The following NLGN1 variants were observed in gnomAD, a reference collection of about 807,000 sequenced individuals.
The protein encoded by NLGN1 is neuroligin 1, also known as neuroligin-1.
Under a neutral mutation model 65.5 loss-of-function variants are expected in NLGN1, and 12 were observed. That is an observed-to-expected ratio of 0.18 (90% CI 0.12 to 0.30). NLGN1 has a LOEUF of 0.30. Among genes scored for constraint, NLGN1 ranks in the 10% least tolerant of loss-of-function variants. The pLI, the probability that NLGN1 is intolerant of heterozygous loss-of-function variation, is 1.00. For synonymous variants in NLGN1, 350 were observed against 359.5 expected (o/e 0.97, Z 0.30); for missense variants, 750 against 1,007.1 (o/e 0.74, Z 3.46).
chr3:173,422,956 A>G (rs1377051835), intron 1 of NLGN1, among the ~76,000 whole-genome samples: 2 of 152,224 alleles, frequency 1.3e-5, no homozygotes, highest in Non-Finnish European at 2.9e-5. Context: ...TAATTTATAA[A>G]GGAATTCTTT....
chr3:173,839,423 T>A (rs906940186), intron 4 of NLGN1, among the ~76,000 whole-genome samples: 3 of 149,512 alleles, frequency 2.0e-5, no homozygotes, highest in African/African-American at 7.5e-5. Flanking sequence ...GTTTGTTTTG[T>A]TTTTTTGTTT....
chr3:173,677,742 A>G (rs1763369219), intron 3 of NLGN1, among the ~76,000 whole-genome samples: 1 of 152,124 alleles, frequency 6.6e-6, no homozygotes, highest in Non-Finnish European at 1.5e-5. Context: ...GTCTATAACC[A>G]ACTAGTCACT....
chr3:173,417,045 A>G (rs1713943163), intron 1 of NLGN1, among the ~76,000 whole-genome samples: 1 of 152,108 alleles, frequency 6.6e-6, no homozygotes, highest in Non-Finnish European at 1.5e-5. Context: ...TGAGAGTACA[A>G]ACTGGTAAAC....
At chr3:174,033,697 G>C (rs2152477584) in intron 4 of NLGN1, among the ~76,000 whole-genome samples, 1 of 152,232 alleles carries the variant, frequency 6.6e-6, no homozygotes, top group Non-Finnish European at 1.5e-5. Context: ...TACTAGACTT[G>C]ACACAGTGGA....
intron 3 of NLGN1, among the ~76,000 whole-genome samples, chr3:173,753,010 C>T (rs1378225541): frequency 6.6e-6 from 1 of 152,094 alleles, no homozygotes; most frequent in Non-Finnish European, 1.5e-5. Context: ...TCCTCTTTTG[C>T]CAACTCATGG....
chr3:173,725,831 T>C (rs1771670614), intron 3 of NLGN1, among the ~76,000 whole-genome samples: 1 of 152,038 alleles, frequency 6.6e-6, no homozygotes. Flanking sequence ...CATCTCCTTA[T>C]AGTTTTAGAG....
rs1008881454 is a variant in NLGN1, at chr3:173,548,767, T to A, written c.-320-55512T>A. On this transcript the variant is annotated intron_variant, in intron 2 of 6. Coordinates refer to ENST00000457714, the Ensembl canonical transcript of NLGN1. ...TGTATGAAAGTATATATGTATATAT[T>A]TATATATATGAAAGTATATCTATTT... Among the ~76,000 whole-genome samples, 5 of 151,980 alleles carry A rather than the reference T, an allele frequency of 3.3e-5. No homozygotes were observed. In the East Asian group the frequency reaches 9.6e-4, roughly 29 times the overall value.
In NLGN1 at chr3:174,025,337, A is replaced by C. The variant is rs543238752; in HGVS notation, c.646+217505A>C. Among the ~76,000 whole-genome samples, 6 of 152,330 alleles carry C rather than the reference A, an allele frequency of 3.9e-5. No individual in the cohort carries two copies. In the East Asian group the frequency reaches 1.2e-3, roughly 29 times the overall value. ...TCAAAAGCACAAATCAATTGTGCAC[A>C]AATTGTCAAAACATAAATAAATTAA... On this transcript the variant is annotated intron_variant, in intron 4 of 6. Coordinates refer to ENST00000457714, the Ensembl canonical transcript of NLGN1.
Position 173,604,845 on chromosome 3 carries a change from G to A in NLGN1, c.247G>A (p.Val83Ile), listed in dbSNP as rs751215436. Residue 83 changes from valine to isoleucine, a missense_variant, in exon 3 of 7, where the codon GTT (valine) becomes ATT (isoleucine). Transcript: ENST00000457714. ...GGGGCCTGTTATTCAATTTCTTGGGGTTCCATATGCAGCCCCACCAACAGG... is the reference window on the plus strand; with the variant it reads ...GGGGCCTGTTATTCAATTTCTTGGGATTCCATATGCAGCCCCACCAACAGG... 2.0e-5 allele frequency: 32 copies of A among 1,613,560 alleles called. No individual in the cohort carries two copies. The South Asian group carries it at 2.7e-4, about 14-fold the overall frequency.
chr3:173,512,929 C>T (rs760856177), intron 2 of NLGN1, among the ~76,000 whole-genome samples: 10 of 152,084 alleles, frequency 6.6e-5, no homozygotes, highest in Admixed American at 1.3e-4. Context: ...CAAAGTAAGA[C>T]GTGAAAAGAG....
chr3:173,542,984 T>G (rs1739151042), intron 2 of NLGN1, among the ~76,000 whole-genome samples: 2 of 152,112 alleles, frequency 1.3e-5, no homozygotes, highest in African/African-American at 4.8e-5. Context: ...GTCTTCAACT[T>G]TTATTTCACA....
intron 4 of NLGN1, among the ~76,000 whole-genome samples, chr3:173,821,440 T>C (rs1720276170): frequency 6.6e-6 from 1 of 152,206 alleles, no homozygotes. Context: ...TAGAATTCTT[T>C]ATGTTTTTGA....
chr3:173,455,519 C>G (rs1032994626), intron 2 of NLGN1, among the ~76,000 whole-genome samples: 1 of 152,006 alleles, frequency 6.6e-6, no homozygotes, highest in Non-Finnish European at 1.5e-5. Context: ...GTAATCAAAA[C>G]ATTTTAAATA....
At chr3:174,223,042 AGAG>A (rs1738953978) in intron 4 of NLGN1, among the ~76,000 whole-genome samples, 1 of 152,148 alleles carries the variant, frequency 6.6e-6, no homozygotes, top group South Asian at 2.1e-4. Flanking sequence ...GTGCCACCAG[AGAG>A]GAGGTCAGAC....
At chr3:174,112,135 T>G (rs1485865675) in intron 4 of NLGN1, among the ~76,000 whole-genome samples, 2 of 151,904 alleles carry the variant, frequency 1.3e-5, no homozygotes, top group Non-Finnish European at 2.9e-5. Context: ...TGGCACTAGA[T>G]TATAAATTAG....
At chr3:173,525,469 T>C (rs1735495392) in intron 2 of NLGN1, among the ~76,000 whole-genome samples, 1 of 152,150 alleles carries the variant, frequency 6.6e-6, no homozygotes, top group Non-Finnish European at 1.5e-5. Context: ...AATGTCACTT[T>C]TATCATTTCT....
intron 2 of NLGN1, among the ~76,000 whole-genome samples, chr3:173,562,516 G>A (rs535363746): frequency 9.0e-4 from 136 of 151,666 alleles, no homozygotes; most frequent in Middle Eastern, 3.4e-3. Context: ...GCAGTGAGCC[G>A]AGATCTCGCC....
intron 4 of NLGN1, among the ~76,000 whole-genome samples, chr3:174,219,361 T>A (rs1738217801): frequency 1.3e-5 from 2 of 152,062 alleles, no homozygotes; most frequent in Non-Finnish European, 2.9e-5. Flanking sequence ...AATCTGGAAA[T>A]TGTGGTTTAT....
intron 4 of NLGN1, among the ~76,000 whole-genome samples, chr3:174,226,578 T>A (rs1343298263): frequency 6.6e-6 from 1 of 152,174 alleles, no homozygotes; most frequent in Non-Finnish European, 1.5e-5. Flanking sequence ...TAAGATGCTT[T>A]TAGGCTAGTT....
Sources: gnomAD v4.1 joint callset for allele counts (sites outside exome capture counted in the v4.1 genomes callset) on GRCh38, gnomAD v4.1.1 for gene constraint, MANE v1.5 for transcripts, NCBI Gene and HGNC (gene_info 2026-07-23, HGNC 2026-07-21) for gene names.